Variants in RCAN2 observed in about 807,000 individuals in gnomAD.
RCAN2 encodes the protein regulator of calcineurin 2, also known as calcipressin-2.
Under a neutral mutation model 23.6 loss-of-function variants are expected in RCAN2, and 9 were observed. The ratio of observed to expected loss-of-function variants is 0.38; its 90% CI spans 0.23 to 0.67. The LOEUF (loss-of-function observed/expected upper bound fraction) is 0.67. Among genes scored for constraint, RCAN2 ranks in the 30% least tolerant of loss-of-function variants. The pLI is 0.51. For synonymous variants in RCAN2, 109 were observed against 115.7 expected (o/e 0.94, Z 0.37); for missense variants, 273 against 302.3 (o/e 0.90, Z 0.72).
chr6:46,295,708 G>A (rs1157548015), intron 2 of RCAN2, among the ~76,000 whole-genome samples: 1 of 152,006 alleles, frequency 6.6e-6, no homozygotes, highest in East Asian at 1.9e-4. Flanking sequence ...AAGGAAACAT[G>A]GCATCAAAAG....
At chr6:46,371,189 C>T (rs759613592) in intron 2 of RCAN2, among the ~76,000 whole-genome samples, 2 of 152,156 alleles carry the variant, frequency 1.3e-5, no homozygotes, top group Admixed American at 1.3e-4. Context: ...TGAGACCAGC[C>T]TTTCCCCCCA....
chr6:46,426,532 C>G (rs554371628), intron 2 of RCAN2, among the ~76,000 whole-genome samples: 2 of 152,156 alleles, frequency 1.3e-5, no homozygotes, highest in Non-Finnish European at 2.9e-5. Context: ...CAGCTGAACA[C>G]TGTATTCCAT....
intron 2 of RCAN2, among the ~76,000 whole-genome samples, chr6:46,308,884 G>A (rs1035203905): frequency 1.3e-5 from 2 of 152,108 alleles, no homozygotes; most frequent in African/African-American, 4.8e-5. Context: ...CATCACTGGG[G>A]GAGTTCAAGG....
chr6:46,470,760 TA>T (rs1258914693), intron 1 of RCAN2, among the ~76,000 whole-genome samples: 1 of 152,244 alleles, frequency 6.6e-6, no homozygotes, highest in Non-Finnish European at 1.5e-5. Context: ...ATGAAACACT[TA>T]AAAATGTAAT....
intron 2 of RCAN2, among the ~76,000 whole-genome samples, chr6:46,275,200 T>C (rs1728949704): frequency 6.6e-6 from 1 of 151,822 alleles, no homozygotes; most frequent in Non-Finnish European, 1.5e-5. Context: ...AGGAATCATG[T>C]GTAAGTGTTT....
At chr6:46,326,527 T>C (rs1763802049) in intron 2 of RCAN2, among the ~76,000 whole-genome samples, 1 of 152,210 alleles carries the variant, frequency 6.6e-6, no homozygotes, top group Non-Finnish European at 1.5e-5. Context: ...CTTTCACAGA[T>C]TGCCTGGCAC....
intron 2 of RCAN2, among the ~76,000 whole-genome samples, chr6:46,394,283 A>G (rs1278397752): frequency 2.0e-5 from 3 of 152,234 alleles, no homozygotes; most frequent in Admixed American, 6.5e-5. Context: ...AAGGTGCTTG[A>G]AATACAAAGG....
intron 2 of RCAN2, among the ~76,000 whole-genome samples, chr6:46,362,009 A>C (rs1364688174): frequency 6.6e-6 from 1 of 152,194 alleles, no homozygotes; most frequent in African/African-American, 2.4e-5. Context: ...TTGAAACTTA[A>C]ATCTTTATTC....
intron 2 of RCAN2, among the ~76,000 whole-genome samples, chr6:46,292,818 A>T (rs1038767449): frequency 1.3e-5 from 2 of 152,106 alleles, no homozygotes; most frequent in Non-Finnish European, 1.5e-5. Flanking sequence ...GGTTTGCTGC[A>T]CACATCAACC....
chr6:46,325,146 G>A (rs1165732083), intron 2 of RCAN2, among the ~76,000 whole-genome samples: 1 of 152,218 alleles, frequency 6.6e-6, no homozygotes, highest in Non-Finnish European at 1.5e-5. Context: ...AGAAAGGACT[G>A]ACCAGGGATT....
chr6:46,410,128 C>T (rs1454522243), intron 2 of RCAN2, among the ~76,000 whole-genome samples: 1 of 152,076 alleles, frequency 6.6e-6, no homozygotes, highest in Non-Finnish European at 1.5e-5. Context: ...CCTCTAGGGT[C>T]TTTGGGCTTA....
intron 2 of RCAN2, among the ~76,000 whole-genome samples, chr6:46,373,849 C>T (rs1289024343): frequency 2.0e-5 from 3 of 152,148 alleles, no homozygotes; most frequent in Non-Finnish European, 4.4e-5. Flanking sequence ...CCACTCCCTT[C>T]CCCTTAGAAC....
At chr6:46,279,142 A>G (rs896421192) in intron 2 of RCAN2, among the ~76,000 whole-genome samples, 1 of 152,152 alleles carries the variant, frequency 6.6e-6, no homozygotes, top group Admixed American at 6.6e-5. Context: ...TAGTTTGAAG[A>G]CCTTCCCATT....
intron 2 of RCAN2, among the ~76,000 whole-genome samples, chr6:46,268,968 T>C (rs766582473): frequency 6.6e-6 from 1 of 152,236 alleles, no homozygotes; most frequent in African/African-American, 2.4e-5. Context: ...TTGAAGCTTT[T>C]GTGCTGCAAT....
intron 2 of RCAN2, among the ~76,000 whole-genome samples, chr6:46,266,804 C>T (rs1297925108): frequency 2.6e-5 from 4 of 152,104 alleles, no homozygotes; most frequent in East Asian, 1.9e-4. Context: ...TCCAACCCCT[C>T]GACTTGAAAG....
At chr6:46,485,058 T>C (rs1416168141) in intron 1 of RCAN2, among the ~76,000 whole-genome samples, 1 of 152,196 alleles carries the variant, frequency 6.6e-6, no homozygotes, top group African/African-American at 2.4e-5. Context: ...AGAAGGTCTA[T>C]CTGTTTGAGC....
intron 2 of RCAN2, among the ~76,000 whole-genome samples, chr6:46,306,607 G>C (rs1235260249): frequency 6.6e-6 from 1 of 152,122 alleles, no homozygotes; most frequent in African/African-American, 2.4e-5. Flanking sequence ...CATTTTGGCT[G>C]CTCTCACATG....
At chr6:46,232,866 A>T (rs1385622601) in intron 4 of RCAN2, among the ~76,000 whole-genome samples, 1 of 151,662 alleles carries the variant, frequency 6.6e-6, no homozygotes, top group African/African-American at 2.4e-5. Context: ...TAGAATCTAC[A>T]TGTGTACCCA....
rs780835167 is a variant in RCAN2 at position 46,246,876 on chromosome 6, G to A, written c.443C>T (p.Pro148Leu). Residue 148 changes from proline (P) to leucine (L), a missense_variant, in exon 4 of 5, where the codon CCA becomes CTA. Pro to Leu is a moderately conservative substitution (Grantham distance 98, BLOSUM62 -3). Coordinates refer to ENST00000371374, the MANE Select transcript of RCAN2 (RefSeq NM_001251974.2). ...ETDGDKLHLA[P>L]PQPAKQFLIS... ...GAGAAACTGTTTGGCAGGCTGGGGT[G>A]GAGCCAAGTGCAGTTTGTCTCCATC... 6.2e-7 allele frequency: 1 copy of A among 1,604,724 alleles called. No homozygotes were observed. Among genetic ancestry groups the A allele is most frequent in the Non-Finnish European group, 8.5e-7 (1 of 1,174,706 alleles).
Sources: allele counts gnomAD v4.1 joint callset (sites outside exome capture counted in the v4.1 genomes callset), GRCh38; gene constraint gnomAD v4.1.1; transcripts MANE v1.5; gene names NCBI Gene and HGNC (gene_info 2026-07-23, HGNC 2026-07-21).